SDK1: variants seen among roughly 807,000 people sequenced by gnomAD.
SDK1 encodes protein sidekick-1.
In SDK1, 157 loss-of-function variants were observed where a neutral mutation model predicts 245.5. The ratio of observed to expected loss-of-function variants is 0.64; its 90% CI spans 0.56 to 0.73. The LOEUF is 0.73. Ranked by LOEUF, SDK1 falls within the 30% of genes least tolerant of loss-of-function variation. The pLI is 0.00. For synonymous variants in SDK1, 1,647 were observed against 1,278.5 expected (o/e 1.29, Z -6.15); for missense variants, 3,583 against 3,002.3 (o/e 1.19, Z -4.52).
intron 4 of SDK1, among the ~76,000 whole-genome samples, chr7:3,690,295 C>T (rs80175167): frequency 1.3e-5 from 2 of 152,114 alleles, no homozygotes; most frequent in South Asian, 2.1e-4. Context: ...CTGTCTCAAG[C>T]ATCATATGAT....
At chr7:3,476,802 A>T (rs1033282263) in intron 1 of SDK1, among the ~76,000 whole-genome samples, 3 of 152,204 alleles carry the variant, frequency 2.0e-5, no homozygotes, top group Non-Finnish European at 4.4e-5. Context: ...ACACCCAGCA[A>T]GGTGGCTGAC....
At chr7:3,973,060 G>A (rs765064900) in intron 12 of SDK1, among the ~76,000 whole-genome samples, 13 of 152,226 alleles carry the variant, frequency 8.5e-5, no homozygotes, top group South Asian at 2.1e-4. Flanking sequence ...CTGTGGTTTC[G>A]TAGTAGCTTG....
rs899194040 is a variant in SDK1 at position 3,489,665 on chromosome 7, A to G, written c.299-129415A>G. Among the ~76,000 whole-genome samples the G allele has an allele frequency of 1.1e-4, 16 of 152,318 alleles. No homozygotes were observed. The East Asian group carries it at 2.3e-3, about 22-fold the overall frequency. ...TTATTAAAATGTTATTTTTTTCTGC[A>G]TATTTGTAATTCAGGGAAAGTTTCT... is the stretch of plus-strand genomic sequence containing the variant. On this transcript the variant is annotated intron_variant, in intron 1 of 44. Coordinates refer to ENST00000404826, the MANE Select transcript of SDK1 (RefSeq NM_152744.4).
intron 4 of SDK1, among the ~76,000 whole-genome samples, chr7:3,739,158 T>C (rs1779405137): frequency 6.6e-6 from 1 of 152,172 alleles, no homozygotes. Flanking sequence ...TGAGAAGTCA[T>C]TCATTCATCT....
At position 3,840,378 on chromosome 7, in the gene SDK1, A is replaced by G. The variant is rs77617046; in HGVS notation, c.847+18795A>G. Among the ~76,000 whole-genome samples the G allele has an allele frequency of 1.2e-3, 182 of 152,294 alleles. 1 individual carries two copies. The highest frequency in any genetic ancestry group is 2.4e-3 in the Non-Finnish European group (160 of 68,032). ...ATCTAACACTGTTTTTTCTAATGCT[A>G]CATGCCCATGAAAATCACCTGGGCT... On this transcript the variant is annotated intron_variant, in intron 5 of 44. Coordinates refer to ENST00000404826, the MANE Select transcript of SDK1 (RefSeq NM_152744.4).
chr7:4,253,847 T>A (rs1176531361), intron 44 of SDK1, among the ~76,000 whole-genome samples: 1 of 152,356 alleles, frequency 6.6e-6, no homozygotes, highest in Non-Finnish European at 1.5e-5. Flanking sequence ...TATTTACCAT[T>A]TTATCAGATA....
intron 28 of SDK1, 58 bp from the exon 29 acceptor site, chr7:4,145,664 C>T (rs1779917004): frequency 1.4e-6 from 2 of 1,459,988 alleles, no homozygotes; most frequent in African/African-American, 2.8e-5. Context: ...GGGCACAGGG[C>T]TTCCCTGTGC....
At chr7:3,546,853 G>GA (rs1779240522) in intron 1 of SDK1, among the ~76,000 whole-genome samples, 2 of 152,138 alleles carry the variant, frequency 1.3e-5, no homozygotes, top group African/African-American at 2.4e-5. Flanking sequence ...ATGAAGTTAA[G>GA]AGTTTAAAGT....
intron 4 of SDK1, among the ~76,000 whole-genome samples, chr7:3,783,219 C>T (rs1384302853): frequency 6.6e-6 from 1 of 152,144 alleles, no homozygotes; most frequent in Non-Finnish European, 1.5e-5. Context: ...TGGACTTCAA[C>T]ACAACAAAGG....
intron 5 of SDK1, among the ~76,000 whole-genome samples, chr7:3,948,060 A>C (rs901862199): frequency 6.6e-6 from 1 of 152,190 alleles, no homozygotes; most frequent in African/African-American, 2.4e-5. Flanking sequence ...ATGTACTACA[A>C]TGAGCACTAT....
chr7:3,552,382 T>C (rs1250916858), intron 1 of SDK1, among the ~76,000 whole-genome samples: 2 of 152,170 alleles, frequency 1.3e-5, no homozygotes, highest in Non-Finnish European at 2.9e-5. Flanking sequence ...GAAGTTGAAG[T>C]CCTGTCCCCC....
At chr7:3,843,726 C>T (rs1447390000) in intron 5 of SDK1, among the ~76,000 whole-genome samples, 1 of 152,152 alleles carries the variant, frequency 6.6e-6, no homozygotes, top group African/African-American at 2.4e-5. Flanking sequence ...ACGATGAAGC[C>T]ATCGGGACGC....
intron 1 of SDK1, among the ~76,000 whole-genome samples, chr7:3,486,865 C>G (rs1048794219): frequency 7.2e-5 from 11 of 152,074 alleles, no homozygotes; most frequent in African/African-American, 2.4e-4. Flanking sequence ...GTGCATTACT[C>G]TCTGCCTCTC....
intron 9 of SDK1, among the ~76,000 whole-genome samples, chr7:3,964,555 T>G (rs1209244617): frequency 6.6e-6 from 1 of 152,242 alleles, no homozygotes; most frequent in Admixed American, 6.5e-5. Context: ...CAGAAATACC[T>G]TGGCTCTCTG....
chr7:4,075,993 G>C (rs1780652984), intron 20 of SDK1, among the ~76,000 whole-genome samples: 1 of 152,092 alleles, frequency 6.6e-6, no homozygotes, highest in Admixed American at 6.6e-5. Context: ...TGGAATCCCA[G>C]GTTGAATAAA....
intron 1 of SDK1, among the ~76,000 whole-genome samples, chr7:3,554,410 A>G (rs760426688): frequency 2.7e-5 from 4 of 145,668 alleles, no homozygotes; most frequent in Non-Finnish European, 6.2e-5. Flanking sequence ...CAAAAACAGA[A>G]CATACCAAAA....
At chr7:4,160,497 A>G (rs907485138) in intron 31 of SDK1, among the ~76,000 whole-genome samples, 17 of 152,298 alleles carry the variant, frequency 1.1e-4, no homozygotes, top group African/African-American at 4.8e-5. Flanking sequence ...TCTCTTTGCA[A>G]TGGAGTTGCA....
rs146377680 is a variant in SDK1, at chr7:3,413,332, A to T, written c.298+111448A>T. Among the ~76,000 whole-genome samples, 107 of 152,338 alleles carry T rather than the reference A, an allele frequency of 7.0e-4. No individual in the cohort carries two copies. In the Middle Eastern group the frequency reaches 0.017, roughly 24 times the overall value. On this transcript the variant is annotated intron_variant, in intron 1 of 44. Transcript: ENST00000404826. ...AAGAGGGGCAGGGGTCAGACCAAGT[A>T]GATCCTCACTGTGGTAAGGAGTTGC... is the stretch of plus-strand genomic sequence containing the variant.
chr7:3,512,233 A>G (rs1420260456), intron 1 of SDK1, among the ~76,000 whole-genome samples: 2 of 152,076 alleles, frequency 1.3e-5, no homozygotes, highest in Non-Finnish European at 2.9e-5. Flanking sequence ...TTTCAGACTG[A>G]TAACTTTCAC....
Sources: allele counts gnomAD v4.1 joint callset (sites outside exome capture counted in the v4.1 genomes callset), GRCh38; gene constraint gnomAD v4.1.1; transcripts MANE v1.5; gene names NCBI Gene and HGNC (gene_info 2026-07-23, HGNC 2026-07-21).